The following OSCAR variants were observed in gnomAD, a reference collection of about 807,000 sequenced individuals.
OSCAR encodes osteoclast associated Ig-like receptor.
Under a neutral mutation model 27.3 loss-of-function variants are expected in OSCAR, and 25 were observed. The ratio of observed to expected loss-of-function variants is 0.92; its 90% CI spans 0.67 to 1.28. The LOEUF (loss-of-function observed/expected upper bound fraction) is 1.28, where lower values mean the gene tolerates loss of function less well. OSCAR is among the 50% of genes most tolerant of loss of function. The pLI, the probability that OSCAR is intolerant of heterozygous loss-of-function variation, is 0.00. For missense variants in OSCAR, 354 were observed against 355.1 expected (o/e 1.00, Z 0.03); for synonymous variants, 158 against 165.7 (o/e 0.95, Z 0.36).
intron 3 of OSCAR, 143 bp from the exon 4 acceptor site, chr19:54,096,296 C>T (rs2072694743): frequency 1.3e-6 from 1 of 771,852 alleles, no homozygotes; most frequent in African/African-American, 1.9e-5. Context: ...CTGTCTCTCT[C>T]TCTGTCTGCC....
intron 2 of OSCAR, among the ~76,000 whole-genome samples, chr19:54,099,061 T>TTG (rs2072896717): frequency 6.6e-6 from 1 of 151,050 alleles, no homozygotes; most frequent in Non-Finnish European, 1.5e-5. Flanking sequence ...AGAGTTTTTT[T>TTG]TGTTTGTTTG....
chr19:54,099,244 T>TTTTTTTTTTTTTTTTTTGTTTTTG (rs1267618078), intron 2 of OSCAR, among the ~76,000 whole-genome samples: 1 of 133,196 alleles, frequency 7.5e-6, no homozygotes, highest in Non-Finnish European at 1.6e-5. Context: ...TTTTTTTTTT[T>TTTTTTTTTTTTTTTTTTGTTTTTG]TTTTTTTTTA....
In OSCAR at chr19:54,095,901, C is replaced by A; in HGVS notation, c.626G>T (p.Arg209Leu). The change falls in exon 4 of 5, where the codon CGC (arginine) becomes CTC (leucine). Residue 209 changes from arginine to leucine, a missense_variant. Arg to Leu is a moderately radical substitution (Grantham distance 102). Transcript: ENST00000358375. Reference protein sequence around the residue: ...TPSAPYVLSQRSEVLVISWED... With the variant: ...TPSAPYVLSQLSEVLVISWED... Reference sequence around the variant, plus strand: ...CCAGCTGATGACCAGCACCTCGCTGCGCTGCGACAGCACGTAGGGCGCGGA... The same window carrying A: ...CCAGCTGATGACCAGCACCTCGCTGAGCTGCGACAGCACGTAGGGCGCGGA... 6.4e-7 allele frequency: 1 copy of A among 1,568,990 alleles called. No homozygotes were observed.
At position 54,095,962 on chromosome 19, in the gene OSCAR, C is replaced by T. The variant is rs1338110437; in HGVS notation, c.565G>A (p.Ala189Thr). 2 of 1,590,110 alleles carry T rather than the reference C, an allele frequency of 1.3e-6. No individual in the cohort carries two copies. The highest frequency in any genetic ancestry group is 2.7e-5 in the African/African-American group (2 of 74,706). The change falls in exon 4 of 5, where the codon GCC becomes ACC. Residue 189 changes from alanine (A) to threonine (T), a missense_variant. Transcript: ENST00000358375. ...TAGTAGCAGCTGTAGGTGCCGGGGG[C>T]GCGGGCGCCCAGCAGCGTGAAGTCG... ...WADFTLLGAR[A>T]PGTYSCYYHT...
At position 54,096,054 on chromosome 19, in the gene OSCAR, C is replaced by T; in HGVS notation, c.473G>A (p.Ser158Asn). ...CACGCCCTCGCGGTACAGCACGAAG[C>T]TCATGTTCCGCAGGCGGCCCGCGCA... Reference protein sequence around the residue: ...LRCAGRLRNMSFVLYREGVAA... With the variant: ...LRCAGRLRNMNFVLYREGVAA... The change falls in exon 4 of 5, where the codon AGC becomes AAC. Residue 158 changes from serine (S) to asparagine (N), a missense_variant. Physicochemically the swap from Ser to Asn is conservative, Grantham distance 46 (BLOSUM62 1). Coordinates refer to ENST00000358375, the MANE Select transcript of OSCAR (RefSeq NM_133169.6). The T allele has an allele frequency of 2.6e-6, 4 of 1,551,474 alleles. No individual in the cohort carries two copies. The highest frequency in any genetic ancestry group is 3.5e-6 in the Non-Finnish European group (4 of 1,153,184).
intron 3 of OSCAR, 114 bp downstream of exon 3, chr19:54,096,748 G>T (rs143588675): frequency 5.2e-6 from 6 of 1,162,516 alleles, no homozygotes; most frequent in Non-Finnish European, 7.2e-6. Flanking sequence ...GTCTTTTCTT[G>T]TGTCTGTGAA....
chr19:54,100,622 G>T, intron 1 of OSCAR, 134 bp downstream of exon 1: 1 of 950,364 alleles, frequency 1.1e-6, no homozygotes, highest in Non-Finnish European at 1.6e-6. Context: ...CTGGGCCCCA[G>T]CCCTGTTCTT....
At position 54,095,149 on chromosome 19, in the gene OSCAR, G is replaced by T. The variant is rs1481896719; in HGVS notation, c.*72C>A. On this transcript the variant is annotated 3_prime_UTR_variant, in exon 5 of 5. Coordinates refer to ENST00000358375, the MANE Select transcript of OSCAR (RefSeq NM_133169.6). Reference sequence around the variant, plus strand: ...GCAGGACTGTGGGGCTGCAGGAAAGGACAGTCCAGCCCAGGGTCCCAGCTT... The same window carrying T: ...GCAGGACTGTGGGGCTGCAGGAAAGTACAGTCCAGCCCAGGGTCCCAGCTT... 1.3e-6 allele frequency: 2 copies of T among 1,545,536 alleles called. No homozygotes were observed. Among genetic ancestry groups the T allele is most frequent in the Non-Finnish European group, 8.7e-7 (1 of 1,144,576 alleles).
At chr19:54,100,225 CCCT>C (rs2072978824) in intron 1 of OSCAR, among the ~76,000 whole-genome samples, 1 of 152,190 alleles carries the variant, frequency 6.6e-6, no homozygotes, top group African/African-American at 2.4e-5. Context: ...TCTTATCCCT[CCCT>C]CCTCCTGTCT....
chr19:54,096,234 C>G lies in OSCAR; in HGVS notation c.374-81G>C, dbSNP rs151043098. 2.0e-3 allele frequency: 2,470 copies of G among 1,209,642 alleles called. 104 individuals are homozygous for G. The Admixed American group carries it at 0.065, about 32-fold the overall frequency. 74.9% of individuals were successfully genotyped at this position (1,209,642 alleles called of 1,614,324 possible). ...CGCTCTGTTTCTCCTTCTCCTCTGT[C>G]TCTCGCTTTCTCTGTGCCTCTCTCT... On this transcript the variant is annotated intron_variant, in intron 3 of 4. Transcript: ENST00000358375.
intron 1 of OSCAR, 33 bp from the exon 2 acceptor site, chr19:54,099,813 CTTTTT>C: frequency 7.0e-7 from 1 of 1,426,400 alleles, no homozygotes; most frequent in Non-Finnish European, 9.6e-7. Context: ...TTTCTTTTTC[CTTTTT>C]TTTTTTTTGT....
At chr19:54,095,415 C>G in intron 4 of OSCAR, 58 bp from the exon 5 acceptor site, 1 of 1,520,708 alleles carries the variant, frequency 6.6e-7, no homozygotes, top group Non-Finnish European at 8.8e-7. Flanking sequence ...AGTCTGGGCC[C>G]TGAACTCCAG....
Position 54,095,958 on chromosome 19 carries a change from G to T in OSCAR, c.569C>A (p.Pro190His). ...GTGATAGTAGCAGCTGTAGGTGCCG[G>T]GGGCGCGGGCGCCCAGCAGCGTGAA... Reference protein sequence around the residue: ...ADFTLLGARAPGTYSCYYHTP... With the variant: ...ADFTLLGARAHGTYSCYYHTP... The change falls in exon 4 of 5, where the codon CCC becomes CAC. Residue 190 changes from proline to histidine, a missense_variant. Physicochemically the swap from Pro to His is moderately conservative, Grantham distance 77 (BLOSUM62 -2). Coordinates refer to ENST00000358375, the MANE Select transcript of OSCAR (RefSeq NM_133169.6). 6.3e-7 allele frequency: 1 copy of T among 1,590,806 alleles called. No individual in the cohort carries two copies. The highest frequency in any genetic ancestry group is 8.6e-7 in the Non-Finnish European group (1 of 1,169,386).
intron 2 of OSCAR, among the ~76,000 whole-genome samples, chr19:54,098,145 T>C (rs1298784359): frequency 6.6e-6 from 1 of 152,122 alleles, no homozygotes; most frequent in Non-Finnish European, 1.5e-5. Context: ...AAATAAAAAG[T>C]TGTATGGAAG....
At chr19:54,096,588 C>G (rs757611845) in intron 3 of OSCAR, among the ~76,000 whole-genome samples, 20,234 of 72,290 alleles carry the variant, frequency 0.28, 1,202 homozygotes, top group East Asian at 0.36. Context: ...CTCTCTGCCT[C>G]CCTCTCTCTC....
At chr19:54,099,244 T>TTTTTTTTTTGTTTGTTTTTG (rs1267618078) in intron 2 of OSCAR, among the ~76,000 whole-genome samples, 2 of 133,258 alleles carry the variant, frequency 1.5e-5, no homozygotes, top group Admixed American at 1.7e-4. Flanking sequence ...TTTTTTTTTT[T>TTTTTTTTTTGTTTGTTTTTG]TTTTTTTTTA....
intron 2 of OSCAR, among the ~76,000 whole-genome samples, chr19:54,098,808 A>G (rs587769190): frequency 6.6e-6 from 1 of 152,024 alleles, no homozygotes; most frequent in Non-Finnish European, 1.5e-5. Context: ...CAACATGGGG[A>G]AACCCTGTCT....
chr19:54,099,229 ATTTTTTTT>A (rs1228940404), intron 2 of OSCAR, among the ~76,000 whole-genome samples: 10 of 82,422 alleles, frequency 1.2e-4, no homozygotes, highest in East Asian at 5.2e-4. Flanking sequence ...CACCCGGCTA[ATTTTTTTT>A]TTTTTTTTTT....
chr19:54,096,271 T>C, intron 3 of OSCAR, 118 bp from the exon 4 acceptor site: 2 of 901,170 alleles, frequency 2.2e-6, no homozygotes, highest in Non-Finnish European at 3.2e-6. Flanking sequence ...TCTTTCTGCC[T>C]CTCTTTCTCT....
Sources: allele counts gnomAD v4.1 joint callset (sites outside exome capture counted in the v4.1 genomes callset), GRCh38; gene constraint gnomAD v4.1.1; transcripts MANE v1.5; gene names NCBI Gene and HGNC (gene_info 2026-07-23, HGNC 2026-07-21).